NBEAL1: variants seen among roughly 807,000 people sequenced by gnomAD.
NBEAL1 encodes neurobeachin-like protein 1.
Under a neutral mutation model 351.3 loss-of-function variants are expected in NBEAL1, and 273 were observed. The ratio of observed to expected loss-of-function variants is 0.78; its 90% CI spans 0.70 to 0.86. The LOEUF (loss-of-function observed/expected upper bound fraction) is 0.86, where lower values mean the gene tolerates loss of function less well. NBEAL1 is among the 40% of genes least tolerant of loss of function. The probability of loss-of-function intolerance (pLI) is 0.00; values close to 1 mark genes in which losing one functional copy is unlikely to be tolerated. For missense variants in NBEAL1, 2,961 were observed against 3,201.3 expected (o/e 0.92, Z 1.81); for synonymous variants, 1,050 against 1,086.4 (o/e 0.97, Z 0.66).
intron 2 of NBEAL1, among the ~76,000 whole-genome samples, chr2:203,033,157 C>T (rs941608913): frequency 2.6e-5 from 4 of 151,958 alleles, no homozygotes; most frequent in Non-Finnish European, 2.9e-5. Flanking sequence ...CCCGCCACCA[C>T]GCATGGCTAA....
intron 17 of NBEAL1, among the ~76,000 whole-genome samples, chr2:203,115,161 CTT>C (rs2062662390): frequency 7.6e-6 from 1 of 132,278 alleles, no homozygotes; most frequent in Non-Finnish European, 1.6e-5. Context: ...GAGTTTTGCT[CTT>C]GTTGCCCAGG....
At chr2:203,072,299 T>A (rs1008362968) in intron 7 of NBEAL1, among the ~76,000 whole-genome samples, 1 of 152,170 alleles carries the variant, frequency 6.6e-6, no homozygotes, top group Non-Finnish European at 1.5e-5. Context: ...TAATCCCGTA[T>A]CCATTCCTGG....
intron 21 of NBEAL1, 33 bp from the exon 22 acceptor site, chr2:203,126,524 A>G: frequency 2.9e-6 from 4 of 1,394,352 alleles, no homozygotes; most frequent in Non-Finnish European, 3.7e-6. Context: ...ATTTAAACTG[A>G]ACTATATGAA....
intron 18 of NBEAL1, among the ~76,000 whole-genome samples, chr2:203,117,739 T>G (rs2062732321): frequency 2.0e-5 from 3 of 152,094 alleles, no homozygotes; most frequent in African/African-American, 7.2e-5. Flanking sequence ...TGGAGTGTAG[T>G]GGTGGGATCA....
chr2:203,094,228 A>G (rs920316711), intron 10 of NBEAL1, among the ~76,000 whole-genome samples: 4 of 152,324 alleles, frequency 2.6e-5, no homozygotes, highest in Admixed American at 6.5e-5. Flanking sequence ...TGTTTTCTGT[A>G]TATTAAATAT....
intron 44 of NBEAL1, among the ~76,000 whole-genome samples, chr2:203,188,059 A>C (rs1575104593): frequency 6.6e-6 from 1 of 152,034 alleles, no homozygotes; most frequent in Admixed American, 6.6e-5. Flanking sequence ...CATTTTTTCC[A>C]CCTAAGTGTG....
intron 23 of NBEAL1, among the ~76,000 whole-genome samples, 190 bp from the exon 24 acceptor site, chr2:203,127,591 G>T (rs1468878766): frequency 6.6e-6 from 1 of 152,016 alleles, no homozygotes; most frequent in Non-Finnish European, 1.5e-5. Context: ...GCGTGGTGGC[G>T]TGTGCCTGTA....
At chr2:203,148,416 T>TAA (rs1305663954) in intron 33 of NBEAL1, among the ~76,000 whole-genome samples, 1 of 152,132 alleles carries the variant, frequency 6.6e-6, no homozygotes, top group Non-Finnish European at 1.5e-5. Context: ...TTTAAAATTT[T>TAA]AACTGTTCTT....
At chr2:203,122,391 A>G in intron 19 of NBEAL1, 48 bp downstream of exon 19, 2 of 1,169,756 alleles carry the variant, frequency 1.7e-6, no homozygotes, top group Non-Finnish European at 2.4e-6. Context: ...ATTTACTGAT[A>G]CTCTTATTAA....
chr2:203,040,565 G>T lies in NBEAL1; in HGVS notation c.52-1200G>T, dbSNP rs191898411. On this transcript the variant is annotated intron_variant, in intron 2 of 55. Coordinates refer to ENST00000683969, the MANE Select transcript of NBEAL1 (RefSeq NM_001378026.1). ...CTGAAGTCTGTGCGGGAACTCACTTGGAAACATGAACAAGCCAAGGTCAAG... is the reference window on the plus strand; with the variant it reads ...CTGAAGTCTGTGCGGGAACTCACTTTGAAACATGAACAAGCCAAGGTCAAG... 94 of 668,176 alleles carry T rather than the reference G, an allele frequency of 1.4e-4. No individual in the cohort carries two copies. The African/African-American group carries it at 1.6e-3, about 11-fold the overall frequency. 41.4% of individuals were successfully genotyped at this position (668,176 alleles called of 1,614,324 possible). A position where few individuals can be genotyped will look rare whatever the true frequency, so the allele number is the denominator to read the frequency against.
At chr2:203,143,041 A>G (rs921814946) in intron 31 of NBEAL1, among the ~76,000 whole-genome samples, 3 of 152,234 alleles carry the variant, frequency 2.0e-5, no homozygotes, top group African/African-American at 4.8e-5. Context: ...GCACAAATAC[A>G]TTCTTGAAGT....
At position 203,188,600 on chromosome 2, in the gene NBEAL1, A is replaced by G. The variant is rs374869634; in HGVS notation, c.6823+11A>G. 21 of 1,464,632 alleles carry G rather than the reference A, an allele frequency of 1.4e-5. No homozygotes were observed. The highest frequency in any genetic ancestry group is 4.6e-5 in the East Asian group (2 of 43,678). The allele number at this position is 1,464,632 out of a possible 1,614,324, so 90.7% of individuals were successfully genotyped here. On this transcript the variant is annotated intron_variant, in intron 45 of 55. Transcript: ENST00000683969. ...ATTGTAGTTATGAAGGTATAAATCT[A>G]TACACTTTTTCTCTTGCTTTACCTT...
chr2:203,019,415 G>A (rs772922976), intron 2 of NBEAL1, among the ~76,000 whole-genome samples: 1 of 152,178 alleles, frequency 6.6e-6, no homozygotes, highest in Non-Finnish European at 1.5e-5. Flanking sequence ...TAATTTACTA[G>A]CATCCTCCCA....
intron 53 of NBEAL1, 144 bp downstream of exon 53, chr2:203,209,466 T>A (rs1482870342): frequency 1.2e-5 from 7 of 606,278 alleles, no homozygotes; most frequent in Non-Finnish European, 1.7e-5. Context: ...TGTTCGTTTC[T>A]TAACATTAGA....
At chr2:203,049,712 A>T (rs1332414417) in intron 3 of NBEAL1, 102 bp from the exon 4 acceptor site, 14 of 974,096 alleles carry the variant, frequency 1.4e-5, no homozygotes, top group Non-Finnish European at 1.9e-5. Flanking sequence ...TAAATAAAAG[A>T]GCTTCTTTAG....
At chr2:203,164,849 G>C (rs1207535610) in intron 36 of NBEAL1, among the ~76,000 whole-genome samples, 1 of 149,116 alleles carries the variant, frequency 6.7e-6, no homozygotes, top group Non-Finnish European at 1.5e-5. Context: ...AGTGGTAGAA[G>C]CTCCCATTTC....
intron 51 of NBEAL1, among the ~76,000 whole-genome samples, chr2:203,203,018 A>G (rs2065444496): frequency 6.6e-6 from 1 of 152,232 alleles, no homozygotes; most frequent in Non-Finnish European, 1.5e-5. Flanking sequence ...TTTCCTAGGA[A>G]AACGGGAATT....
At chr2:203,021,873 C>T (rs1382809525) in intron 2 of NBEAL1, among the ~76,000 whole-genome samples, 1 of 151,704 alleles carries the variant, frequency 6.6e-6, no homozygotes, top group African/African-American at 2.4e-5. Flanking sequence ...AATGGTGAAA[C>T]CCCGTCTTTA....
intron 18 of NBEAL1, among the ~76,000 whole-genome samples, chr2:203,116,510 C>T (rs1159118927): frequency 2.6e-5 from 4 of 151,894 alleles, no homozygotes; most frequent in African/African-American, 9.7e-5. Context: ...CACAGTGGCT[C>T]ACACTTGTAA....
Sources: allele counts gnomAD v4.1 joint callset (sites outside exome capture counted in the v4.1 genomes callset), GRCh38; gene constraint gnomAD v4.1.1; transcripts MANE v1.5; gene names NCBI Gene and HGNC (gene_info 2026-07-23, HGNC 2026-07-21).